PDE10A: variants seen among roughly 807,000 people sequenced by gnomAD.
PDE10A encodes phosphodiesterase 10A, also known as cAMP and cAMP-inhibited cGMP 3',5'-cyclic phosphodiesterase 10A.
Under a neutral mutation model 97.7 loss-of-function variants are expected in PDE10A, and 39 were observed. That is an observed-to-expected ratio of 0.40 (90% CI 0.31 to 0.52). The LOEUF is 0.52. Among genes scored for constraint, PDE10A ranks in the 20% least tolerant of loss-of-function variants. The pLI is 0.56. For missense variants in PDE10A, 731 were observed against 1,047.8 expected, an observed-to-expected ratio of 0.70 and a Z score of 4.17; for synonymous variants, 371 against 376.8, an observed-to-expected ratio of 0.98 and a Z score of 0.18.
In PDE10A at chr6:165,567,993, C is replaced by CCTTTTTTT. The variant is rs370865492; in HGVS notation, c.866-24426_866-24425insAAAAAAAG. ...AGCACACAATAGGTACGCAACAAGG[C>CCTTTTTTT]ATTTTTTTTTTTTTTTTTTTTTTGA... On this transcript the variant is annotated intron_variant, in intron 1 of 21. Transcript: ENST00000539869. 3.6e-4 allele frequency among the ~76,000 whole-genome samples: 42 copies of CCTTTTTTT among 115,604 alleles called. 8 individuals carry two copies. Among genetic ancestry groups the CCTTTTTTT allele is most frequent in the Non-Finnish European group, 3.3e-4 (19 of 58,378 alleles). The allele number at this position is 115,604 out of a possible 152,430, so 75.8% of individuals were successfully genotyped here. A position where few individuals can be genotyped will look rare whatever the true frequency, so the allele number is the denominator to read the frequency against.
intron 11 of PDE10A, among the ~76,000 whole-genome samples, chr6:165,417,752 G>C (rs1583243497): frequency 6.6e-6 from 1 of 152,290 alleles, no homozygotes; most frequent in East Asian, 1.9e-4. Context: ...GGCAGACAGT[G>C]GTGGGGCCCC....
In PDE10A at chr6:165,328,500, T is replaced by C. The variant is rs1248155457; in HGVS notation, c.*4525A>G. ...GTAAGTTTCCACCTTGGTCCTGAGG[T>C]GACATTATCCTTTGCCTCACAGGGC... On this transcript the variant is annotated 3_prime_UTR_variant, in exon 22 of 22. Transcript: ENST00000539869. The C allele has an allele frequency of 2.0e-5, 3 of 152,210 alleles. No individual in the cohort carries two copies. In the South Asian group the frequency reaches 6.2e-4, roughly 32 times the overall value. The allele number at this position is 152,210 out of a possible 1,614,324, so 9.4% of individuals were successfully genotyped here. A position where few individuals can be genotyped will look rare whatever the true frequency, so the allele number is the denominator to read the frequency against.
intron 1 of PDE10A, among the ~76,000 whole-genome samples, chr6:165,579,392 A>G (rs1391677410): frequency 6.6e-6 from 1 of 152,232 alleles, no homozygotes; most frequent in Admixed American, 6.5e-5. Flanking sequence ...CAGACTGACA[A>G]GACTAGATGA....
intron 1 of PDE10A, among the ~76,000 whole-genome samples, chr6:165,897,634 G>GC (rs898206808): frequency 5.3e-5 from 7 of 131,574 alleles, no homozygotes; most frequent in African/African-American, 8.6e-5. Flanking sequence ...CCGCCCCCCA[G>GC]CCCCCCCACC....
intron 13 of PDE10A, among the ~76,000 whole-genome samples, chr6:165,407,237 C>A (rs1224653918): frequency 6.6e-6 from 1 of 152,068 alleles, no homozygotes; most frequent in Non-Finnish European, 1.5e-5. Context: ...CTGTAGGCAA[C>A]CTTAGGACCT....
At position 165,987,788 on chromosome 6, in the gene PDE10A, G is replaced by A. The variant is rs572132238; in HGVS notation, c.-874C>T. Reference sequence around the variant, plus strand: ...CTTGGGGCACTCTGGGGTGCGCGCCGATCTTCTCGCAAAAGGCGAGTGTGT... The same window carrying A: ...CTTGGGGCACTCTGGGGTGCGCGCCAATCTTCTCGCAAAAGGCGAGTGTGT... On this transcript the variant is annotated 5_prime_UTR_variant, in exon 1 of 20. Transcript: ENST00000366882. The A allele has an allele frequency of 7.7e-4, 347 of 449,032 alleles. 1 individual carries two copies. The highest frequency in any genetic ancestry group is 6.5e-3 in the African/African-American group (323 of 49,722). 27.8% of individuals were successfully genotyped at this position (449,032 alleles called of 1,614,324 possible).
intron 1 of PDE10A, among the ~76,000 whole-genome samples, chr6:165,871,782 C>T (rs1010392932): frequency 6.6e-6 from 1 of 152,082 alleles, no homozygotes; most frequent in Non-Finnish European, 1.5e-5. Flanking sequence ...TGAGCTGGTG[C>T]AAAAGGAGAC....
intron 2 of PDE10A, among the ~76,000 whole-genome samples, chr6:165,486,732 T>C (rs766167119): frequency 2.0e-5 from 3 of 152,202 alleles, no homozygotes; most frequent in African/African-American, 7.2e-5. Flanking sequence ...AAAGTCACCA[T>C]TGGCAGCACA....
chr6:165,859,162 A>AT (rs1417704649), intron 1 of PDE10A, among the ~76,000 whole-genome samples: 1 of 152,142 alleles, frequency 6.6e-6, no homozygotes, highest in African/African-American at 2.4e-5. Flanking sequence ...AAGACACTTT[A>AT]TTTTCCATCC....
At chr6:165,849,351 T>C (rs1310167992) in intron 1 of PDE10A, among the ~76,000 whole-genome samples, 6 of 152,212 alleles carry the variant, frequency 3.9e-5, no homozygotes. Context: ...CCTTTTTCTG[T>C]CTCTGCAGTG....
chr6:165,854,468 C>T (rs1780659427), intron 1 of PDE10A, among the ~76,000 whole-genome samples: 1 of 152,180 alleles, frequency 6.6e-6, no homozygotes, highest in African/African-American at 2.4e-5. Flanking sequence ...GCCCCCAGGA[C>T]GTCCCCCGGT....
intron 5 of PDE10A, among the ~76,000 whole-genome samples, chr6:165,443,182 T>A (rs944455389): frequency 2.0e-5 from 3 of 150,498 alleles, no homozygotes; most frequent in African/African-American, 7.3e-5. Context: ...CCCTTCCACC[T>A]GTGAGCCTCT....
chr6:165,535,065 T>A (rs1054513894), intron 2 of PDE10A, among the ~76,000 whole-genome samples: 1 of 151,976 alleles, frequency 6.6e-6, no homozygotes, highest in African/African-American at 2.4e-5. Flanking sequence ...GCAAACAAGC[T>A]ATTTGAACTG....
chr6:165,906,924 C>T (rs1782302693), intron 1 of PDE10A, among the ~76,000 whole-genome samples: 1 of 152,184 alleles, frequency 6.6e-6, no homozygotes, highest in African/African-American at 2.4e-5. Flanking sequence ...TCCAAGACGG[C>T]CTTCGCTCCT....
intron 1 of PDE10A, among the ~76,000 whole-genome samples, chr6:165,626,970 T>A (rs1345063154): frequency 6.6e-6 from 1 of 152,168 alleles, no homozygotes; most frequent in Admixed American, 6.5e-5. Context: ...GACCCAGACT[T>A]GCCCCTGGAA....
rs140536079 is a variant in PDE10A, at chr6:165,535,602, C to CGTGT, written c.994+7834_994+7837dup. 2.0e-5 allele frequency among the ~76,000 whole-genome samples: 3 copies of CGTGT among 148,920 alleles called. No homozygotes were observed. The East Asian group carries it at 5.9e-4, about 29-fold the overall frequency. On this transcript the variant is annotated intron_variant, in intron 2 of 21. Transcript: ENST00000539869. Reference sequence around the variant, plus strand: ...GTATTCTATGGGGTGTGTGTGTGCGCGTGTGTGTGTGTGTGTGTACACACA... The same window carrying CGTGT: ...GTATTCTATGGGGTGTGTGTGTGCGCGTGTGTGTGTGTGTGTGTGTGTACACACA...
rs188988383 is a variant in PDE10A, at chr6:165,740,718, C to T, written c.-614-197150G>A. Among the ~76,000 whole-genome samples the T allele has an allele frequency of 3.7e-3, 556 of 152,222 alleles. 3 individuals are homozygous for T. Among genetic ancestry groups the T allele is most frequent in the African/African-American group, 0.013 (533 of 41,542 alleles). On this transcript the variant is annotated intron_variant, in intron 1 of 19. Transcript: ENST00000366882. ...TGGTGAACCTGGAGGATATTATGAA[C>T]ATGAAATAAGCTGGGCATCAAAGGA...
chr6:165,834,448 A>G (rs547866149), intron 1 of PDE10A, among the ~76,000 whole-genome samples: 3 of 152,280 alleles, frequency 2.0e-5, no homozygotes, highest in African/African-American at 7.2e-5. Flanking sequence ...TGTCTTTTGT[A>G]TCCTTCCCGC....
intron 1 of PDE10A, among the ~76,000 whole-genome samples, chr6:165,695,639 G>A (rs1294325933): frequency 1.3e-5 from 2 of 152,212 alleles, no homozygotes; most frequent in Admixed American, 1.3e-4. Context: ...CTTCGCAGAG[G>A]AACTGACTTG....
Sources: allele counts gnomAD v4.1 joint callset (sites outside exome capture counted in the v4.1 genomes callset), GRCh38; gene constraint gnomAD v4.1.1; transcripts MANE v1.5; gene names NCBI Gene and HGNC (gene_info 2026-07-23, HGNC 2026-07-21).